SFMBT2: variants seen among roughly 807,000 people sequenced by gnomAD.
The protein encoded by SFMBT2 is scm-like with four MBT domains protein 2.
A neutral mutation model predicts 110.1 loss-of-function variants in SFMBT2; 38 were observed. That is an observed-to-expected ratio of 0.35 (90% CI 0.27 to 0.45). The LOEUF (loss-of-function observed/expected upper bound fraction) is 0.45. Ranked by LOEUF, SFMBT2 falls within the 20% of genes least tolerant of loss-of-function variation. The probability of loss-of-function intolerance (pLI) is 1.00; values close to 1 mark genes in which losing one functional copy is unlikely to be tolerated. For missense variants in SFMBT2, 1,011 were observed against 1,094.9 expected, an observed-to-expected ratio of 0.92 and a Z score of 1.08; for synonymous variants, 425 against 425.4, an observed-to-expected ratio of 1.00 and a Z score of 0.01.
At chr10:7,199,683 C>T (rs1247621026) in intron 14 of SFMBT2, among the ~76,000 whole-genome samples, 1 of 152,142 alleles carries the variant, frequency 6.6e-6, no homozygotes, top group Non-Finnish European at 1.5e-5. Context: ...CTTTCGATTA[C>T]CAGGCCTGCA....
At chr10:7,207,219 C>T (rs190972634) in intron 11 of SFMBT2, among the ~76,000 whole-genome samples, 1 of 151,820 alleles carries the variant, frequency 6.6e-6, no homozygotes, top group East Asian at 1.9e-4. Flanking sequence ...ATTAGCCTGG[C>T]GTGGTAGCAG....
intron 1 of SFMBT2, among the ~76,000 whole-genome samples, chr10:7,393,645 G>C (rs2132110110): frequency 6.6e-6 from 1 of 152,292 alleles, no homozygotes; most frequent in African/African-American, 2.4e-5. Context: ...TCTACAGTAA[G>C]GAGTAACTGG....
At chr10:7,338,820 T>G (rs942173778) in intron 4 of SFMBT2, among the ~76,000 whole-genome samples, 2 of 152,236 alleles carry the variant, frequency 1.3e-5, no homozygotes, top group Non-Finnish European at 2.9e-5. Context: ...CCTAAGTCAG[T>G]CCTGCATGCA....
At chr10:7,339,406 A>G (rs1167377000) in intron 4 of SFMBT2, among the ~76,000 whole-genome samples, 1 of 152,228 alleles carries the variant, frequency 6.6e-6, no homozygotes, top group Non-Finnish European at 1.5e-5. Context: ...AAATAAATGG[A>G]TATGTTCTTA....
intron 4 of SFMBT2, among the ~76,000 whole-genome samples, chr10:7,343,467 T>C (rs1843993496): frequency 6.6e-6 from 1 of 152,154 alleles, no homozygotes; most frequent in African/African-American, 2.4e-5. Flanking sequence ...ATCTCCAGAG[T>C]GCTTTCCACA....
chr10:7,274,668 G>T (rs920947644), intron 7 of SFMBT2, among the ~76,000 whole-genome samples: 5 of 152,080 alleles, frequency 3.3e-5, no homozygotes. Flanking sequence ...CCAGTCTCAG[G>T]TATGTCTTCC....
At chr10:7,203,643 C>A in intron 12 of SFMBT2, 2 of 977,182 alleles carry the variant, frequency 2.0e-6, no homozygotes, top group Non-Finnish European at 2.4e-6. Context: ...GGATTGGAAC[C>A]CCAACCCCAG....
intron 4 of SFMBT2, among the ~76,000 whole-genome samples, chr10:7,290,993 T>C (rs1842247367): frequency 6.6e-6 from 1 of 152,206 alleles, no homozygotes; most frequent in African/African-American, 2.4e-5. Context: ...CCGGGTCACC[T>C]CTCAGGGACG....
chr10:7,302,502 C>T (rs1003487171), intron 4 of SFMBT2, among the ~76,000 whole-genome samples: 2 of 152,210 alleles, frequency 1.3e-5, no homozygotes, highest in Non-Finnish European at 1.5e-5. Flanking sequence ...CTTGGCATAA[C>T]CCAGGGGAAG....
chr10:7,268,970 G>A (rs1454120802), intron 7 of SFMBT2, among the ~76,000 whole-genome samples: 1 of 152,134 alleles, frequency 6.6e-6, no homozygotes, highest in Non-Finnish European at 1.5e-5. Context: ...CACCTCTACA[G>A]ACTTGTTATA....
intron 9 of SFMBT2, among the ~76,000 whole-genome samples, chr10:7,238,444 A>G (rs1281904189): frequency 6.6e-6 from 1 of 152,188 alleles, no homozygotes; most frequent in African/African-American, 2.4e-5. Context: ...TAGGGCCATG[A>G]GCGTCTATGT....
At chr10:7,202,370 G>A in intron 13 of SFMBT2, 110 bp downstream of exon 13, 1 of 1,324,206 alleles carries the variant, frequency 7.6e-7, no homozygotes, top group Non-Finnish European at 1.1e-6. Context: ...CTCTACTAGG[G>A]TGCTATTTGT....
chr10:7,368,228 C>T (rs1844964848), intron 3 of SFMBT2: 1 of 579,436 alleles, frequency 1.7e-6, no homozygotes, highest in Non-Finnish European at 2.2e-6. Context: ...GCCTCTAAAA[C>T]CTGGTGTGTA....
chr10:7,354,580 T>C (rs1307445995), intron 4 of SFMBT2, among the ~76,000 whole-genome samples: 2 of 152,186 alleles, frequency 1.3e-5, no homozygotes, highest in African/African-American at 4.8e-5. Context: ...ATGTAGAAAC[T>C]GGCTCCCTAA....
chr10:7,178,117 T>G (rs1279223565), intron 16 of SFMBT2, among the ~76,000 whole-genome samples: 2 of 152,192 alleles, frequency 1.3e-5, no homozygotes, highest in Non-Finnish European at 2.9e-5. Context: ...ACAAGGCTCA[T>G]TCCTCCGGTG....
chr10:7,372,783 G>A (rs764375645), intron 2 of SFMBT2, among the ~76,000 whole-genome samples: 5 of 152,188 alleles, frequency 3.3e-5, no homozygotes, highest in South Asian at 2.1e-4. Context: ...CTGCCCCAAC[G>A]TCCTGATGCA....
intron 7 of SFMBT2, among the ~76,000 whole-genome samples, chr10:7,264,729 G>A (rs906198931): frequency 6.6e-6 from 1 of 152,078 alleles, no homozygotes. Context: ...ATGAAACAGC[G>A]ATCAATTCAG....
At position 7,158,665 on chromosome 10, in the gene SFMBT2, T is replaced by C. The variant is rs1837475137; in HGVS notation, c.*5105A>G. 1 of 152,258 alleles carries C rather than the reference T, an allele frequency of 6.6e-6. No individual in the cohort carries two copies. Among genetic ancestry groups the C allele is most frequent in the Non-Finnish European group, 1.5e-5 (1 of 68,046 alleles). 9.4% of individuals were successfully genotyped at this position (152,258 alleles called of 1,614,324 possible). A position where few individuals can be genotyped will look rare whatever the true frequency, so the allele number is the denominator to read the frequency against. ...TTTATTAACAATGTGGCTTACAATT[T>C]TTTTGAAGTAAAAAGGGTTTTTTTC... On this transcript the variant is annotated 3_prime_UTR_variant, in exon 21 of 21. Transcript: ENST00000397167.
chr10:7,277,954 C>T (rs1397912660), intron 6 of SFMBT2, among the ~76,000 whole-genome samples: 1 of 152,224 alleles, frequency 6.6e-6, no homozygotes, highest in Non-Finnish European at 1.5e-5. Flanking sequence ...TCACCTTGAG[C>T]TTTAAGCCCC....
Sources: gnomAD v4.1 joint callset for allele counts (sites outside exome capture counted in the v4.1 genomes callset) on GRCh38, gnomAD v4.1.1 for gene constraint, MANE v1.5 for transcripts, NCBI Gene and HGNC (gene_info 2026-07-23, HGNC 2026-07-21) for gene names.